THSD4: variants seen among roughly 807,000 people sequenced by gnomAD.
THSD4 encodes thrombospondin type 1 domain containing 4.
A neutral mutation model predicts 119.0 loss-of-function variants in THSD4; 69 were observed. That is an observed-to-expected ratio of 0.58 (90% CI 0.48 to 0.71). The LOEUF is 0.71. Among genes scored for constraint, THSD4 ranks in the 30% least tolerant of loss-of-function variants. The pLI, the probability that THSD4 is intolerant of heterozygous loss-of-function variation, is 0.00. For synonymous variants in THSD4, 524 were observed against 540.4 expected (o/e 0.97, Z 0.42); for missense variants, 1,393 against 1,391.1 (o/e 1.00, Z -0.02).
intron 7 of THSD4, chr15:71,547,308 C>A: frequency 6.6e-7 from 1 of 1,522,750 alleles, no homozygotes; most frequent in Non-Finnish European, 8.8e-7. Context: ...CGGTGCCTAG[C>A]GGAACTCCAG....
chr15:71,143,662 TA>T (rs1241402766), intron 2 of THSD4, among the ~76,000 whole-genome samples: 5 of 151,676 alleles, frequency 3.3e-5, no homozygotes, highest in Admixed American at 6.6e-5. Flanking sequence ...AGTTTTTTCT[TA>T]ATGTCTTGGA....
intron 1 of THSD4, among the ~76,000 whole-genome samples, chr15:71,122,340 G>A (rs140562186): frequency 1.8e-4 from 28 of 152,270 alleles, no homozygotes; most frequent in African/African-American, 6.7e-4. Context: ...GCTAAGGAAT[G>A]TTCACAGGCT....
rs200578975 is a variant in THSD4 at position 71,743,063 on chromosome 15, T to A, written c.1907-2043T>A. On this transcript the variant is annotated intron_variant, in intron 11 of 17. Coordinates refer to ENST00000261862, the MANE Select transcript of THSD4 (RefSeq NM_024817.3). ...GAGCTAAACTCTGTCTCAAAAAAAA[T>A]AAAAAAAGATTTGTAGATCTGGCAT... Among the ~76,000 whole-genome samples the A allele has an allele frequency of 3.9e-3, 581 of 149,466 alleles. 4 individuals are homozygous for A. Among genetic ancestry groups the A allele is most frequent in the African/African-American group, 0.013 (532 of 40,628 alleles).
chr15:71,330,414 G>C (rs982701312), intron 6 of THSD4, among the ~76,000 whole-genome samples: 1 of 152,180 alleles, frequency 6.6e-6, no homozygotes, highest in East Asian at 1.9e-4. Flanking sequence ...ATGGGGAATT[G>C]TGTATCATCG....
intron 1 of THSD4, among the ~76,000 whole-genome samples, chr15:71,124,397 C>G (rs1267449509): frequency 6.6e-6 from 1 of 152,134 alleles, no homozygotes; most frequent in Admixed American, 6.5e-5. Context: ...GGCAGAGGGT[C>G]AGGTTTAACC....
chr15:71,522,767 T>C (rs2048461513), intron 7 of THSD4, among the ~76,000 whole-genome samples: 1 of 152,220 alleles, frequency 6.6e-6, no homozygotes, highest in Non-Finnish European at 1.5e-5. Flanking sequence ...TAGGTAGAAC[T>C]GAAAGGTGTC....
intron 15 of THSD4, among the ~76,000 whole-genome samples, chr15:71,762,318 CA>C (rs2053640751): frequency 6.6e-6 from 1 of 152,150 alleles, no homozygotes; most frequent in Non-Finnish European, 1.5e-5. Context: ...AAGGACTTGC[CA>C]AAAATAGCAG....
chr15:71,481,194 G>C (rs2047725299), intron 7 of THSD4, among the ~76,000 whole-genome samples: 2 of 152,124 alleles, frequency 1.3e-5, no homozygotes, highest in Non-Finnish European at 2.9e-5. Flanking sequence ...GTAACATTTA[G>C]ACTCTGTGAT....
At chr15:71,151,895 A>G (rs2141380599) in intron 2 of THSD4, among the ~76,000 whole-genome samples, 1 of 152,300 alleles carries the variant, frequency 6.6e-6, no homozygotes, top group South Asian at 2.1e-4. Flanking sequence ...ATCACCATCT[A>G]GACCTGTACC....
intron 7 of THSD4, among the ~76,000 whole-genome samples, chr15:71,486,628 T>TG (rs200167877): frequency 4.7e-4 from 63 of 132,998 alleles, no homozygotes; most frequent in South Asian, 1.7e-3. Context: ...TTTTTTTTTT[T>TG]TTTTTTTTAT....
At chr15:71,242,397 A>G (rs1021319399) in intron 4 of THSD4, among the ~76,000 whole-genome samples, 1 of 152,096 alleles carries the variant, frequency 6.6e-6, no homozygotes, top group Admixed American at 6.5e-5. Flanking sequence ...ATTTCCAACC[A>G]CTTGCATCAT....
At chr15:71,683,557 A>G (rs2051841997) in intron 8 of THSD4, among the ~76,000 whole-genome samples, 1 of 152,198 alleles carries the variant, frequency 6.6e-6, no homozygotes, top group Non-Finnish European at 1.5e-5. Context: ...TGGCTGGAAG[A>G]GCAGGCTGCT....
At chr15:71,507,576 G>A (rs1311081780) in intron 7 of THSD4, among the ~76,000 whole-genome samples, 1 of 152,102 alleles carries the variant, frequency 6.6e-6, no homozygotes, top group Admixed American at 6.5e-5. Context: ...TGAAAGGTGG[G>A]GGCTGAGGAG....
chr15:71,097,565 C>CG (rs2040235961), intron 1 of THSD4, among the ~76,000 whole-genome samples: 1 of 129,268 alleles, frequency 7.7e-6, no homozygotes, highest in African/African-American at 3.2e-5. Context: ...GACTCTGTCT[C>CG]GAAAAAAAAA....
intron 6 of THSD4, among the ~76,000 whole-genome samples, chr15:71,290,335 T>C (rs1238797119): frequency 1.3e-5 from 2 of 152,152 alleles, no homozygotes; most frequent in Admixed American, 6.5e-5. Flanking sequence ...CCAGCTAGGG[T>C]GGGTTCTATT....
intron 6 of THSD4, among the ~76,000 whole-genome samples, chr15:71,293,810 G>A (rs1482236399): frequency 6.6e-6 from 1 of 152,150 alleles, no homozygotes; most frequent in South Asian, 2.1e-4. Context: ...GGAAGGGAGA[G>A]GAGGTGTAAG....
At chr15:71,132,642 A>C (rs1157760019) in intron 1 of THSD4, among the ~76,000 whole-genome samples, 2 of 152,204 alleles carry the variant, frequency 1.3e-5, no homozygotes, top group African/African-American at 2.4e-5. Context: ...TTCCTTAATA[A>C]ATAAATTTTA....
intron 6 of THSD4, among the ~76,000 whole-genome samples, chr15:71,298,191 G>T (rs1209451444): frequency 6.6e-6 from 1 of 152,140 alleles, no homozygotes; most frequent in Non-Finnish European, 1.5e-5. Flanking sequence ...ATGATTTGTT[G>T]AAGGGACTAT....
At chr15:71,296,614 C>T (rs2044866749) in intron 6 of THSD4, among the ~76,000 whole-genome samples, 1 of 152,196 alleles carries the variant, frequency 6.6e-6, no homozygotes, top group Non-Finnish European at 1.5e-5. Flanking sequence ...CAGCACCTGT[C>T]CTGCATTATC....
Sources: gnomAD v4.1 joint callset for allele counts (sites outside exome capture counted in the v4.1 genomes callset) on GRCh38, gnomAD v4.1.1 for gene constraint, MANE v1.5 for transcripts, NCBI Gene and HGNC (gene_info 2026-07-23, HGNC 2026-07-21) for gene names.